The following GRID2 variants were observed in gnomAD, a reference collection of about 807,000 sequenced individuals.
GRID2 encodes glutamate ionotropic receptor delta type subunit 2, also known as glutamate receptor ionotropic, delta-2.
Under a neutral mutation model 114.8 loss-of-function variants are expected in GRID2, and 33 were observed. The observed-to-expected ratio is 0.29, with a 90% CI of 0.22 to 0.38. The LOEUF (loss-of-function observed/expected upper bound fraction) is 0.38, where lower values mean the gene tolerates loss of function less well. Ranked by LOEUF, GRID2 falls within the 10% of genes least tolerant of loss-of-function variation. The probability of loss-of-function intolerance (pLI) is 1.00; values close to 1 mark genes in which losing one functional copy is unlikely to be tolerated. For synonymous variants in GRID2, 505 were observed against 449.9 expected (o/e 1.12, Z -1.55); for missense variants, 1,184 against 1,257.7 (o/e 0.94, Z 0.89).
At chr4:92,978,524 G>C (rs565338072) in intron 2 of GRID2, among the ~76,000 whole-genome samples, 7 of 151,824 alleles carry the variant, frequency 4.6e-5, no homozygotes, top group Admixed American at 2.0e-4. Context: ...TCTTTTCTCA[G>C]GTTATCCTGT....
rs1359147497 is a variant in GRID2 at position 92,590,299 on chromosome 4, G to C, written c.244+13G>C. The C allele has an allele frequency of 6.3e-7, 1 of 1,586,880 alleles. No individual in the cohort carries two copies. Among genetic ancestry groups the C allele is most frequent in the Non-Finnish European group, 8.6e-7 (1 of 1,165,978 alleles). On this transcript the variant is annotated intron_variant, in intron 2 of 15. Coordinates refer to ENST00000282020, the MANE Select transcript of GRID2 (RefSeq NM_001510.4). ...GCAGTTCAAGAAGGTAAGGTCATCAGTATTTATTTTGGTTTTTTGGTTCAA... is the reference window on the plus strand; with the variant it reads ...GCAGTTCAAGAAGGTAAGGTCATCACTATTTATTTTGGTTTTTTGGTTCAA...
intron 14 of GRID2, among the ~76,000 whole-genome samples, chr4:93,752,660 G>A (rs1372406588): frequency 1.3e-5 from 2 of 152,082 alleles, no homozygotes; most frequent in Non-Finnish European, 2.9e-5. Flanking sequence ...ATGAGCCACC[G>A]CGCCTGGCCA....
intron 14 of GRID2, among the ~76,000 whole-genome samples, chr4:93,665,364 A>C (rs1723858356): frequency 1.3e-5 from 2 of 152,192 alleles, no homozygotes; most frequent in Non-Finnish European, 2.9e-5. Flanking sequence ...TTACTAATTC[A>C]TACTCTCCTT....
chr4:92,646,477 A>C (rs1297439473), intron 2 of GRID2, among the ~76,000 whole-genome samples: 1 of 3,502 alleles, frequency 2.9e-4, no homozygotes, highest in African/African-American at 4.0e-4. Context: ...ATCTTGACTA[A>C]AAAAAAAAAA....
chr4:93,775,976 A>C (rs1366157243), downstream of GRID2, among the ~76,000 whole-genome samples: 1 of 152,220 alleles, frequency 6.6e-6, no homozygotes, highest in Admixed American at 6.5e-5. Context: ...TTTACCCTGC[A>C]TGATACTTCT....
intron 10 of GRID2, among the ~76,000 whole-genome samples, chr4:93,426,819 G>A (rs893333039): frequency 6.6e-6 from 1 of 152,016 alleles, no homozygotes. Flanking sequence ...TAAAGAAGCA[G>A]ACATATGATT....
intron 1 of GRID2, among the ~76,000 whole-genome samples, chr4:93,785,367 A>G (rs1734571003): frequency 6.6e-6 from 1 of 152,186 alleles, no homozygotes; most frequent in Admixed American, 6.5e-5. Flanking sequence ...CACTCAGACC[A>G]GGGCTAGGAA....
chr4:92,620,353 G>A (rs1034679046), intron 2 of GRID2, among the ~76,000 whole-genome samples: 4 of 151,630 alleles, frequency 2.6e-5, no homozygotes, highest in African/African-American at 9.7e-5. Flanking sequence ...AGTCCAAATG[G>A]AAACTAATAA....
chr4:92,408,029 T>A lies in GRID2; in HGVS notation c.88+103285T>A, dbSNP rs577654407. 7.9e-5 allele frequency among the ~76,000 whole-genome samples: 12 copies of A among 152,282 alleles called. No homozygotes were observed. The South Asian group carries it at 2.3e-3, about 29-fold the overall frequency. ...CCAAAGTCTACGTAGAAAAGGATATTTCCTAGGTTTTCTTTTAGGATTGTC... is the reference window on the plus strand; with the variant it reads ...CCAAAGTCTACGTAGAAAAGGATATATCCTAGGTTTTCTTTTAGGATTGTC... On this transcript the variant is annotated intron_variant, in intron 1 of 15. Coordinates refer to ENST00000282020, the MANE Select transcript of GRID2 (RefSeq NM_001510.4).
intron 2 of GRID2, among the ~76,000 whole-genome samples, chr4:92,901,396 T>C (rs984900138): frequency 6.6e-6 from 1 of 152,140 alleles, no homozygotes; most frequent in Non-Finnish European, 1.5e-5. Flanking sequence ...GTTAGTATTT[T>C]TCAGTTGCAT....
intron 2 of GRID2, among the ~76,000 whole-genome samples, chr4:92,775,216 T>G (rs2149354754): frequency 6.6e-6 from 1 of 152,308 alleles, no homozygotes; most frequent in East Asian, 1.9e-4. Flanking sequence ...TAAAATTTAA[T>G]GGGAAGTTTG....
intron 2 of GRID2, among the ~76,000 whole-genome samples, chr4:92,649,122 C>T (rs1731799420): frequency 1.1e-5 from 1 of 89,782 alleles, no homozygotes; most frequent in Non-Finnish European, 2.3e-5. Flanking sequence ...GTAGCTACTA[C>T]TTACTACTTA....
At chr4:92,691,070 T>C (rs1348949294) in intron 2 of GRID2, among the ~76,000 whole-genome samples, 1 of 152,120 alleles carries the variant, frequency 6.6e-6, no homozygotes, top group African/African-American at 2.4e-5. Flanking sequence ...AAGGAACTAG[T>C]CTTCATTATT....
At chr4:93,031,205 C>T (rs1218591349) in intron 2 of GRID2, among the ~76,000 whole-genome samples, 1 of 151,800 alleles carries the variant, frequency 6.6e-6, no homozygotes, top group Non-Finnish European at 1.5e-5. Flanking sequence ...GCCACCACGC[C>T]CAGCTAATTT....
At chr4:92,551,775 C>T (rs1726603705) in intron 1 of GRID2, among the ~76,000 whole-genome samples, 1 of 151,926 alleles carries the variant, frequency 6.6e-6, no homozygotes, top group Admixed American at 6.6e-5. Flanking sequence ...GGAGAGGAAG[C>T]TGAGGATTGC....
intron 1 of GRID2, among the ~76,000 whole-genome samples, chr4:92,488,053 T>C (rs1000583411): frequency 6.6e-6 from 1 of 152,142 alleles, no homozygotes; most frequent in Admixed American, 6.6e-5. Flanking sequence ...ACTGTGTCGA[T>C]TCTGTTGATG....
At chr4:93,418,014 A>G (rs1286999244) in intron 9 of GRID2, among the ~76,000 whole-genome samples, 2 of 149,908 alleles carry the variant, frequency 1.3e-5, no homozygotes, top group South Asian at 2.1e-4. Flanking sequence ...TTCATACTAG[A>G]TAAATATTGA....
chr4:93,286,695 GTGTGT>G (rs1561087071), intron 8 of GRID2, among the ~76,000 whole-genome samples: 21 of 137,272 alleles, frequency 1.5e-4, no homozygotes, highest in Non-Finnish European at 1.8e-4. Context: ...GTGTGTGGGG[GTGTGT>G]GTGTGTGTGT....
At chr4:93,793,015 T>C (rs907611720) in intron 1 of GRID2, among the ~76,000 whole-genome samples, 1 of 152,226 alleles carries the variant, frequency 6.6e-6, no homozygotes, top group African/African-American at 2.4e-5. Flanking sequence ...CCTTTATAAG[T>C]ATCTTTTTAA....
Sources: gnomAD v4.1 joint callset for allele counts (sites outside exome capture counted in the v4.1 genomes callset) on GRCh38, gnomAD v4.1.1 for gene constraint, MANE v1.5 for transcripts, NCBI Gene and HGNC (gene_info 2026-07-23, HGNC 2026-07-21) for gene names.